Variants in CSMD1 observed in about 807,000 individuals in gnomAD.
The protein encoded by CSMD1 is CUB and sushi domain-containing protein 1.
CSMD1 carries 213 observed loss-of-function variants against 417.5 expected under a neutral mutation model. The observed-to-expected ratio is 0.51, with a 90% confidence interval of 0.46 to 0.57. The LOEUF (loss-of-function observed/expected upper bound fraction) is 0.57, where lower values mean the gene tolerates loss of function less well. CSMD1 is among the 20% of genes least tolerant of loss of function. The pLI is 0.00. For missense variants in CSMD1, 6,923 were observed against 4,529.7 expected (o/e 1.53, Z -15.17); for synonymous variants, 2,862 against 1,736.8 (o/e 1.65, Z -16.11).
intron 5 of CSMD1, among the ~76,000 whole-genome samples, chr8:3,768,707 T>C (rs181349954): frequency 5.3e-5 from 8 of 152,354 alleles, no homozygotes; most frequent in South Asian, 2.1e-4. Flanking sequence ...CTAGCAAAGT[T>C]ATGTAATTTC....
chr8:2,981,221 A>C (rs1490142503), intron 54 of CSMD1, among the ~76,000 whole-genome samples: 1 of 152,226 alleles, frequency 6.6e-6, no homozygotes, highest in Non-Finnish European at 1.5e-5. Context: ...CTGCCAGAAG[A>C]GTTTGTTAGT....
chr8:3,300,499 G>C (rs888486560), intron 25 of CSMD1, among the ~76,000 whole-genome samples: 9 of 152,098 alleles, frequency 5.9e-5, no homozygotes, highest in Admixed American at 5.2e-4. Flanking sequence ...CGAGTGAAAT[G>C]ACTGACTCTG....
At chr8:4,481,283 C>T (rs1420285532) in intron 2 of CSMD1, among the ~76,000 whole-genome samples, 2 of 152,250 alleles carry the variant, frequency 1.3e-5, no homozygotes, top group African/African-American at 2.4e-5. Context: ...TGTGCCAGCC[C>T]TATCACACTG....
At chr8:4,124,603 C>T (rs886491398) in intron 3 of CSMD1, among the ~76,000 whole-genome samples, 1 of 152,134 alleles carries the variant, frequency 6.6e-6, no homozygotes, top group Non-Finnish European at 1.5e-5. Context: ...CTGTGCCTGG[C>T]ACCAGCACGC....
At chr8:4,921,753 G>A (rs974354772) in intron 1 of CSMD1, among the ~76,000 whole-genome samples, 11 of 152,112 alleles carry the variant, frequency 7.2e-5, no homozygotes, top group Non-Finnish European at 1.6e-4. Context: ...GTTGTTCTGA[G>A]TAATTATTCT....
chr8:4,556,626 T>A (rs1798100648), intron 2 of CSMD1, among the ~76,000 whole-genome samples: 1 of 152,228 alleles, frequency 6.6e-6, no homozygotes, highest in African/African-American at 2.4e-5. Context: ...GTTCATTTTT[T>A]CCCATAAAGT....
chr8:4,688,482 G>C (rs1306393300), intron 1 of CSMD1, among the ~76,000 whole-genome samples: 1 of 152,066 alleles, frequency 6.6e-6, no homozygotes, highest in East Asian at 1.9e-4. Context: ...CACTTGTATG[G>C]TGATAATAAG....
intron 3 of CSMD1, among the ~76,000 whole-genome samples, chr8:4,102,971 G>T (rs148440215): frequency 1.2e-4 from 18 of 152,206 alleles, no homozygotes; most frequent in Middle Eastern, 3.4e-3. Context: ...TTTAACACGT[G>T]CAGAGCCAGC....
At chr8:4,900,550 G>A (rs1438995713) in intron 1 of CSMD1, among the ~76,000 whole-genome samples, 1 of 152,134 alleles carries the variant, frequency 6.6e-6, no homozygotes, top group East Asian at 1.9e-4. Flanking sequence ...AGATGCTGAT[G>A]TGCATGCTTC....
intron 49 of CSMD1, among the ~76,000 whole-genome samples, chr8:3,068,621 G>T (rs896809231): frequency 1.3e-4 from 20 of 152,166 alleles, no homozygotes; most frequent in African/African-American, 4.3e-4. Context: ...GGCTTCTGGG[G>T]AGGCCTTAGG....
chr8:3,253,042 T>C (rs1262613578), intron 26 of CSMD1, among the ~76,000 whole-genome samples: 1 of 150,704 alleles, frequency 6.6e-6, no homozygotes, highest in Non-Finnish European at 1.5e-5. Flanking sequence ...TTTTGAAGGG[T>C]ATTTTAGTTA....
intron 3 of CSMD1, among the ~76,000 whole-genome samples, chr8:4,042,323 A>G (rs1797932638): frequency 6.6e-6 from 1 of 152,194 alleles, no homozygotes; most frequent in South Asian, 2.1e-4. Flanking sequence ...GTAGAGAGAC[A>G]AAGATAAAGG....
rs531648344 is a variant in CSMD1 at position 4,357,546 on chromosome 8, G to T, written c.415+62407C>A. 1.9e-3 allele frequency among the ~76,000 whole-genome samples: 288 copies of T among 151,976 alleles called. 3 individuals carry two copies. The highest frequency in any genetic ancestry group is 6.3e-3 in the African/African-American group (263 of 41,472). On this transcript the variant is annotated intron_variant, in intron 3 of 69. Coordinates refer to ENST00000635120, the MANE Select transcript of CSMD1 (RefSeq NM_033225.6). ...TCTCTAAGTAAGTTGGAAATGCACA[G>T]TTGGAAAAAAAAAATCTGTCATTCT...
chr8:4,369,136 G>T lies in CSMD1; in HGVS notation c.415+50817C>A, dbSNP rs760914162. ...ATTTAGCTGTTTCCCAGAGATTCTG[G>T]TATTTTGTGTCTCCATTTTCACTGG... On this transcript the variant is annotated intron_variant, in intron 3 of 69. Coordinates refer to ENST00000635120, the MANE Select transcript of CSMD1 (RefSeq NM_033225.6). 5.1e-4 allele frequency among the ~76,000 whole-genome samples: 77 copies of T among 152,000 alleles called. 1 individual carries two copies. Among genetic ancestry groups the T allele is most frequent in the Non-Finnish European group, 8.4e-4 (57 of 67,972 alleles).
chr8:3,469,413 G>A (rs1466679316), intron 11 of CSMD1, among the ~76,000 whole-genome samples: 4 of 152,142 alleles, frequency 2.6e-5, no homozygotes, highest in African/African-American at 4.8e-5. Flanking sequence ...AGATTTGGCA[G>A]CATTTATTGA....
chr8:3,633,635 T>C (rs972401128), intron 7 of CSMD1, among the ~76,000 whole-genome samples: 2 of 152,218 alleles, frequency 1.3e-5, no homozygotes, highest in African/African-American at 4.8e-5. Flanking sequence ...ATTTAAAAAA[T>C]GTTAATGACA....
intron 6 of CSMD1, among the ~76,000 whole-genome samples, chr8:3,714,686 G>A (rs58434960): frequency 6.6e-4 from 100 of 151,890 alleles, no homozygotes; most frequent in African/African-American, 2.1e-3. Flanking sequence ...GCAGTGAGCC[G>A]AAACGGTGCC....
Position 3,097,374 on chromosome 8 carries a change from CAA to C in CSMD1, c.6950-339_6950-338del, listed in dbSNP as rs577928018. ...ACTACAAAGAAGAACCTCACCATTT[CAA>C]AAGAGTATTACAGAAATACAGTGAA... is the stretch of plus-strand genomic sequence containing the variant. On this transcript the variant is annotated intron_variant, in intron 46 of 69. Transcript: ENST00000635120. 1.1e-4 allele frequency among the ~76,000 whole-genome samples: 17 copies of C among 152,260 alleles called. No homozygotes were observed. The East Asian group carries it at 3.3e-3, about 29-fold the overall frequency.
chr8:3,955,843 C>G (rs753068827), intron 5 of CSMD1, among the ~76,000 whole-genome samples: 2 of 152,202 alleles, frequency 1.3e-5, no homozygotes, highest in Non-Finnish European at 1.5e-5. Context: ...CCCCCTGCCA[C>G]ACTGAGATCT....
Sources: gnomAD v4.1 joint callset for allele counts (sites outside exome capture counted in the v4.1 genomes callset) on GRCh38, gnomAD v4.1.1 for gene constraint, MANE v1.5 for transcripts, NCBI Gene and HGNC (gene_info 2026-07-23, HGNC 2026-07-21) for gene names.